Variants in SGCZ observed in about 807,000 individuals in gnomAD.
The protein encoded by SGCZ is zeta-sarcoglycan.
In SGCZ, 40 loss-of-function variants were observed where a neutral mutation model predicts 41.3. That is an observed-to-expected ratio of 0.97 (90% CI 0.75 to 1.26). The LOEUF (loss-of-function observed/expected upper bound fraction) is 1.26, where lower values mean the gene tolerates loss of function less well. Ranked by LOEUF, SGCZ falls within the 50% of genes most tolerant of loss-of-function variation. SGCZ has a pLI of 0.00. For synonymous variants in SGCZ, 206 were observed against 137.5 expected (o/e 1.50, Z -3.49); for missense variants, 552 against 369.8 (o/e 1.49, Z -4.04).
At chr8:14,484,013 C>T (rs1801605845) in intron 2 of SGCZ, among the ~76,000 whole-genome samples, 1 of 152,138 alleles carries the variant, frequency 6.6e-6, no homozygotes, top group Admixed American at 6.5e-5. Flanking sequence ...GTTTCTACAC[C>T]TTAATGACCA....
intron 3 of SGCZ, among the ~76,000 whole-genome samples, chr8:14,282,718 T>TA (rs1563232439): frequency 6.6e-6 from 1 of 152,016 alleles, no homozygotes; most frequent in East Asian, 1.9e-4. Context: ...CCTTCTGCAA[T>TA]ATTTTAAATA....
chr8:15,154,221 T>G (rs1398839454), intron 1 of SGCZ, among the ~76,000 whole-genome samples: 2 of 152,236 alleles, frequency 1.3e-5, no homozygotes, highest in Non-Finnish European at 2.9e-5. Flanking sequence ...CACAGTCAGC[T>G]TTCACTAGTT....
At chr8:14,681,132 T>G (rs1465244399) in intron 1 of SGCZ, among the ~76,000 whole-genome samples, 1 of 151,758 alleles carries the variant, frequency 6.6e-6, no homozygotes, top group African/African-American at 2.4e-5. Flanking sequence ...CAACTGTAAA[T>G]TAAAGAAAAA....
At chr8:15,075,196 G>T (rs73522873) in intron 1 of SGCZ, among the ~76,000 whole-genome samples, 3 of 148,836 alleles carry the variant, frequency 2.0e-5, no homozygotes, top group Non-Finnish European at 4.4e-5. Flanking sequence ...ATTTGTTTTG[G>T]AATACAATTA....
At chr8:14,213,765 G>T (rs1805897500) in intron 4 of SGCZ, among the ~76,000 whole-genome samples, 2 of 151,972 alleles carry the variant, frequency 1.3e-5, no homozygotes, top group Non-Finnish European at 2.9e-5. Context: ...AATATTTGAA[G>T]ATATTTAAAT....
At chr8:15,203,926 C>G (rs1268745472) in intron 1 of SGCZ, among the ~76,000 whole-genome samples, 1 of 152,132 alleles carries the variant, frequency 6.6e-6, no homozygotes, top group East Asian at 1.9e-4. Flanking sequence ...TGCCTCAAAA[C>G]TAGTTTTTCT....
intron 5 of SGCZ, among the ~76,000 whole-genome samples, chr8:14,136,401 G>A (rs959355290): frequency 1.3e-5 from 2 of 152,162 alleles, no homozygotes; most frequent in African/African-American, 4.8e-5. Context: ...CCTAGCCAAG[G>A]GAAGCAGTGA....
At chr8:14,737,277 A>G (rs1799066831) in intron 1 of SGCZ, among the ~76,000 whole-genome samples, 1 of 151,670 alleles carries the variant, frequency 6.6e-6, no homozygotes, top group Non-Finnish European at 1.5e-5. Context: ...TTACAGACTA[A>G]TATTAATTTT....
chr8:14,473,660 G>T (rs143449136), intron 2 of SGCZ, among the ~76,000 whole-genome samples: 1 of 151,964 alleles, frequency 6.6e-6, no homozygotes, highest in African/African-American at 2.4e-5. Flanking sequence ...AAAAGCGGCC[G>T]GGCGAGGTGT....
At chr8:14,416,445 T>A (rs1440286515) in intron 2 of SGCZ, among the ~76,000 whole-genome samples, 1 of 151,876 alleles carries the variant, frequency 6.6e-6, no homozygotes, top group Non-Finnish European at 1.5e-5. Flanking sequence ...TATTCAAAAT[T>A]ATTTAGAGCC....
chr8:14,969,889 T>A (rs1388807871), intron 1 of SGCZ, among the ~76,000 whole-genome samples: 1 of 152,118 alleles, frequency 6.6e-6, no homozygotes, highest in Non-Finnish European at 1.5e-5. Flanking sequence ...TGGTAAATAC[T>A]CAAGACTGAA....
At chr8:14,595,313 C>A (rs908732642) in intron 1 of SGCZ, among the ~76,000 whole-genome samples, 7 of 151,866 alleles carry the variant, frequency 4.6e-5, no homozygotes, top group Non-Finnish European at 8.8e-5. Context: ...AAGATGCACC[C>A]ACATCTGGTA....
chr8:14,443,066 T>G (rs1800319690), intron 2 of SGCZ, among the ~76,000 whole-genome samples: 1 of 151,980 alleles, frequency 6.6e-6, no homozygotes, highest in Non-Finnish European at 1.5e-5. Context: ...CACAATTGCT[T>G]CAAAGAAAAT....
At chr8:14,477,074 A>G (rs1801383050) in intron 2 of SGCZ, among the ~76,000 whole-genome samples, 2 of 152,146 alleles carry the variant, frequency 1.3e-5, no homozygotes. Flanking sequence ...ATTAAACCCT[A>G]CTTATTCTAC....
At chr8:14,153,097 C>A (rs925869496) in intron 5 of SGCZ, among the ~76,000 whole-genome samples, 1 of 152,088 alleles carries the variant, frequency 6.6e-6, no homozygotes, top group Admixed American at 6.5e-5. Context: ...TGTGTCTTAA[C>A]TGGATCAATG....
intron 1 of SGCZ, among the ~76,000 whole-genome samples, chr8:14,841,088 T>C (rs2130626801): frequency 6.6e-6 from 1 of 151,536 alleles, no homozygotes; most frequent in Admixed American, 6.6e-5. Context: ...ATGCTAACAC[T>C]AAGAATAAGC....
chr8:14,975,949 C>T (rs958224732), intron 1 of SGCZ, among the ~76,000 whole-genome samples: 11 of 145,268 alleles, frequency 7.6e-5, no homozygotes, highest in Non-Finnish European at 1.4e-4. Flanking sequence ...AATGCATTTC[C>T]ATAAACATAT....
At chr8:14,498,955 G>A (rs1243053876) in intron 2 of SGCZ, among the ~76,000 whole-genome samples, 2 of 151,418 alleles carry the variant, frequency 1.3e-5, no homozygotes, top group Admixed American at 6.6e-5. Flanking sequence ...GACACCAGCA[G>A]TATCTATGAA....
intron 4 of SGCZ, among the ~76,000 whole-genome samples, chr8:14,231,643 T>G (rs1219093992): frequency 2.0e-5 from 3 of 152,152 alleles, no homozygotes; most frequent in Non-Finnish European, 2.9e-5. Flanking sequence ...ACTACCCTTT[T>G]TGTTATGAAT....
Sources: allele counts gnomAD v4.1 joint callset (sites outside exome capture counted in the v4.1 genomes callset), GRCh38; gene constraint gnomAD v4.1.1; transcripts MANE v1.5; gene names NCBI Gene and HGNC (gene_info 2026-07-23, HGNC 2026-07-21).